Variants in GPM6A observed in about 807,000 individuals in gnomAD.
GPM6A encodes the protein glycoprotein M6A.
GPM6A carries 7 observed loss-of-function variants against 32.1 expected under a neutral mutation model. The ratio of observed to expected loss-of-function variants is 0.22; its 90% CI spans 0.12 to 0.41. GPM6A has a LOEUF of 0.41. Among genes scored for constraint, GPM6A ranks in the 10% least tolerant of loss-of-function variants. The probability of loss-of-function intolerance (pLI) is 1.00; values close to 1 mark genes in which losing one functional copy is unlikely to be tolerated. For missense variants in GPM6A, 235 were observed against 347.2 expected, an observed-to-expected ratio of 0.68 and a Z score of 2.57; for synonymous variants, 130 against 123.4, an observed-to-expected ratio of 1.05 and a Z score of -0.35.
At chr4:175,942,894 GTT>G (rs901914542) in intron 1 of GPM6A, among the ~76,000 whole-genome samples, 1 of 151,170 alleles carries the variant, frequency 6.6e-6, no homozygotes, top group Admixed American at 6.6e-5. Context: ...ATTTAAAGTA[GTT>G]TTTTTTTCTA....
intron 1 of GPM6A, among the ~76,000 whole-genome samples, chr4:175,712,450 T>G (rs1745608995): frequency 6.6e-6 from 1 of 152,196 alleles, no homozygotes; most frequent in Non-Finnish European, 1.5e-5. Flanking sequence ...GAAAAAGTCA[T>G]CATCAGAGAA....
chr4:175,678,275 G>A (rs1743488515), intron 2 of GPM6A, among the ~76,000 whole-genome samples: 1 of 152,222 alleles, frequency 6.6e-6, no homozygotes, highest in Admixed American at 6.5e-5. Flanking sequence ...GTGTGGAAAA[G>A]TATGTATATT....
intron 1 of GPM6A, among the ~76,000 whole-genome samples, chr4:175,970,660 G>A (rs1173429545): frequency 6.6e-6 from 1 of 152,102 alleles, no homozygotes; most frequent in Non-Finnish European, 1.5e-5. Flanking sequence ...ACACAGTCAC[G>A]AGTGAAAAAA....
Position 175,633,788 on chromosome 4 carries a change from C to G in GPM6A, c.*1117G>C, listed in dbSNP as rs547868268. The G allele has an allele frequency of 6.6e-6, 1 of 152,498 alleles. No homozygotes were observed. The highest frequency in any genetic ancestry group is 2.4e-5 in the African/African-American group (1 of 41,524). The allele number at this position is 152,498 out of a possible 1,614,324, so 9.4% of individuals were successfully genotyped here. A position where few individuals can be genotyped will look rare whatever the true frequency, so the allele number is the denominator to read the frequency against. ...ACAAATATATCACTACACTTTCAAA[C>G]AATACATTCTATAGGGGCCTCTGAC... On this transcript the variant is annotated 3_prime_UTR_variant, in exon 7 of 7. Transcript: ENST00000393658.
At position 175,987,524 on chromosome 4, in the gene GPM6A, TTGTG is replaced by T. The variant is rs141045074; in HGVS notation, c.-23+14781_-23+14784del. Among the ~76,000 whole-genome samples the T allele has an allele frequency of 3.4e-4, 51 of 148,682 alleles. 1 individual carries two copies. The highest frequency in any genetic ancestry group is 1.3e-3 in the South Asian group (6 of 4,698). ...AACTTACTTTTGTACTAAAGTGTGTTTGTGTGTGTGTGTGTGTGTGTGTGTGTGT... is the reference window on the plus strand; with the variant it reads ...AACTTACTTTTGTACTAAAGTGTGTTTGTGTGTGTGTGTGTGTGTGTGTGT... On this transcript the variant is annotated intron_variant, in intron 1 of 7. Coordinates refer to the GPM6A transcript ENST00000280187.
intron 1 of GPM6A, among the ~76,000 whole-genome samples, chr4:175,843,686 T>C (rs1010628159): frequency 1.3e-5 from 2 of 152,204 alleles, no homozygotes; most frequent in Admixed American, 1.3e-4. Context: ...CTTGAAAATC[T>C]TAATTTTTGT....
At chr4:175,799,011 G>T (rs750350713) in intron 1 of GPM6A, among the ~76,000 whole-genome samples, 1 of 152,214 alleles carries the variant, frequency 6.6e-6, no homozygotes, top group African/African-American at 2.4e-5. Context: ...TGAGTTCAAA[G>T]ATTTCAGTGG....
At chr4:175,988,536 T>C (rs1741046160) in intron 1 of GPM6A, among the ~76,000 whole-genome samples, 1 of 152,202 alleles carries the variant, frequency 6.6e-6, no homozygotes, top group Non-Finnish European at 1.5e-5. Flanking sequence ...GTAGGACTTG[T>C]TGCTATGACT....
intron 6 of GPM6A, among the ~76,000 whole-genome samples, chr4:175,636,184 T>C (rs1479843400): frequency 6.7e-6 from 1 of 148,786 alleles, no homozygotes; most frequent in African/African-American, 2.5e-5. Context: ...AGGAATATTG[T>C]AAGCCACCTG....
At chr4:175,818,502 G>A (rs565512393) in intron 1 of GPM6A, among the ~76,000 whole-genome samples, 8 of 152,254 alleles carry the variant, frequency 5.3e-5, no homozygotes, top group South Asian at 2.1e-4. Context: ...CCTGGCCTGC[G>A]GCCTATAAGC....
intron 1 of GPM6A, among the ~76,000 whole-genome samples, chr4:175,737,732 T>C (rs1731719802): frequency 6.6e-6 from 1 of 152,074 alleles, no homozygotes; most frequent in African/African-American, 2.4e-5. Context: ...CTTAGGAATA[T>C]CTGAGTCATG....
intron 6 of GPM6A, among the ~76,000 whole-genome samples, chr4:175,638,799 G>A (rs760953763): frequency 7.2e-5 from 11 of 152,074 alleles, no homozygotes; most frequent in Non-Finnish European, 1.3e-4. Flanking sequence ...ATAGAAATGG[G>A]TGTATGAACA....
intron 1 of GPM6A, among the ~76,000 whole-genome samples, chr4:175,762,493 C>T (rs1412883788): frequency 2.6e-5 from 4 of 152,074 alleles, no homozygotes; most frequent in Non-Finnish European, 5.9e-5. Context: ...AGTCTTTTAT[C>T]GAGTATTGCT....
intron 1 of GPM6A, among the ~76,000 whole-genome samples, chr4:176,001,927 C>T (rs1466431613): frequency 6.6e-6 from 1 of 152,180 alleles, no homozygotes; most frequent in East Asian, 1.9e-4. Flanking sequence ...CCTGTAATCG[C>T]CTCGCTATTC....
chr4:175,805,949 G>A (rs1171127942), intron 1 of GPM6A: 1 of 152,084 alleles, frequency 6.6e-6, no homozygotes, highest in African/African-American at 2.4e-5. Context: ...GTTACTGTTG[G>A]ATTAAGAATA....
chr4:175,903,727 T>C (rs1738038597), intron 1 of GPM6A, among the ~76,000 whole-genome samples: 1 of 152,110 alleles, frequency 6.6e-6, no homozygotes, highest in Non-Finnish European at 1.5e-5. Flanking sequence ...TGTCCTATAA[T>C]TTTTTTAAAT....
At chr4:175,989,461 A>G (rs888382278) in intron 1 of GPM6A, among the ~76,000 whole-genome samples, 1 of 152,108 alleles carries the variant, frequency 6.6e-6, no homozygotes, top group African/African-American at 2.4e-5. Context: ...TATTACAAGA[A>G]AGGGATCTTT....
intron 1 of GPM6A, among the ~76,000 whole-genome samples, chr4:175,873,148 G>GT (rs1560973884): frequency 2.0e-5 from 3 of 151,736 alleles, no homozygotes; most frequent in South Asian, 2.1e-4. Context: ...GACAATGTGT[G>GT]TTTTTTTCTC....
intron 1 of GPM6A, among the ~76,000 whole-genome samples, chr4:175,799,299 T>C (rs1299270137): frequency 1.3e-5 from 2 of 152,154 alleles, no homozygotes; most frequent in Non-Finnish European, 2.9e-5. Context: ...AAAAAATACA[T>C]GCAGTTCTTT....
Sources: allele counts gnomAD v4.1 joint callset (sites outside exome capture counted in the v4.1 genomes callset), GRCh38; gene constraint gnomAD v4.1.1; transcripts MANE v1.5; gene names NCBI Gene and HGNC (gene_info 2026-07-23, HGNC 2026-07-21).